Variants in CCDC175 observed in about 807,000 individuals in gnomAD.
CCDC175 encodes coiled-coil domain-containing protein 175.
CCDC175 carries 100 observed loss-of-function variants against 114.6 expected under a neutral mutation model. That is an observed-to-expected ratio of 0.87 (90% CI 0.74 to 1.03). The LOEUF (loss-of-function observed/expected upper bound fraction) is 1.03, where lower values mean the gene tolerates loss of function less well. Ranked by LOEUF, CCDC175 falls within the 50% of genes least tolerant of loss-of-function variation. The pLI is 0.00. For synonymous variants in CCDC175, 306 were observed against 308.7 expected (o/e 0.99, Z 0.09); for missense variants, 880 against 917.8 (o/e 0.96, Z 0.53).
chr14:59,532,973 T>C (rs1049328612), intron 13 of CCDC175, among the ~76,000 whole-genome samples: 1 of 152,250 alleles, frequency 6.6e-6, no homozygotes, highest in East Asian at 1.9e-4. Flanking sequence ...CCAAGTTGTA[T>C]GCACACATAA....
At position 59,536,220 on chromosome 14, in the gene CCDC175, C is replaced by A. The variant is rs980494352; in HGVS notation, c.1623+1803G>T. ...TTGTGATTCCTTAGATAGGAGGGTCCTGCCTCAGGCCCTTCCTGCCTAGCA... is the reference window on the plus strand; with the variant it reads ...TTGTGATTCCTTAGATAGGAGGGTCATGCCTCAGGCCCTTCCTGCCTAGCA... On this transcript the variant is annotated intron_variant, in intron 13 of 19. Transcript: ENST00000537690. Among the ~76,000 whole-genome samples, 3 of 152,206 alleles carry A rather than the reference C, an allele frequency of 2.0e-5. No individual in the cohort carries two copies. In the East Asian group the frequency reaches 5.8e-4, roughly 30 times the overall value.
intron 9 of CCDC175, among the ~76,000 whole-genome samples, chr14:59,544,731 TG>T: frequency 6.6e-6 from 1 of 152,256 alleles, no homozygotes; most frequent in African/African-American, 2.4e-5. Context: ...GGGGCATTAG[TG>T]TCGTGATAAT....
chr14:59,551,151 C>T, intron 8 of CCDC175: 1 of 359,354 alleles, frequency 2.8e-6, no homozygotes, highest in East Asian at 4.5e-5. Context: ...AAAACAGTTC[C>T]TCTGTACATG....
chr14:59,574,077 G>C (rs1007735659), intron 2 of CCDC175, among the ~76,000 whole-genome samples: 3 of 152,282 alleles, frequency 2.0e-5, no homozygotes, highest in Non-Finnish European at 4.4e-5. Flanking sequence ...CCACAGAGCT[G>C]CACAACACAC....
At chr14:59,535,708 AC>A (rs1894351041) in intron 13 of CCDC175, among the ~76,000 whole-genome samples, 1 of 152,148 alleles carries the variant, frequency 6.6e-6, no homozygotes, top group Admixed American at 6.5e-5. Flanking sequence ...TCCACTCAGA[AC>A]CCTCCAATGG....
intron 7 of CCDC175, among the ~76,000 whole-genome samples, chr14:59,551,664 G>A (rs1315452823): frequency 6.6e-6 from 1 of 152,186 alleles, no homozygotes; most frequent in Non-Finnish European, 1.5e-5. Flanking sequence ...CTGAAGCAGG[G>A]CGAGGCATCA....
chr14:59,562,179 G>A (rs1313323875), intron 6 of CCDC175, among the ~76,000 whole-genome samples: 1 of 152,202 alleles, frequency 6.6e-6, no homozygotes, highest in African/African-American at 2.4e-5. Flanking sequence ...CTGAAGGCCT[G>A]ATAGGCCTGA....
At chr14:59,552,567 C>T (rs916253583) in intron 7 of CCDC175, among the ~76,000 whole-genome samples, 1 of 152,156 alleles carries the variant, frequency 6.6e-6, no homozygotes, top group African/African-American at 2.4e-5. Flanking sequence ...GCACCTCCCC[C>T]CCTCCAAAAG....
chr14:59,571,518 A>G (rs773513538), intron 3 of CCDC175, among the ~76,000 whole-genome samples: 5 of 152,230 alleles, frequency 3.3e-5, no homozygotes, highest in Non-Finnish European at 7.3e-5. Context: ...AAGAAGCTCA[A>G]CATCTCTAAT....
intron 19 of CCDC175, among the ~76,000 whole-genome samples, chr14:59,507,315 T>G (rs996996996): frequency 6.6e-6 from 1 of 152,236 alleles, no homozygotes; most frequent in African/African-American, 2.4e-5. Context: ...ATAGCCACTT[T>G]CTAGAAGGAA....
At chr14:59,517,606 C>A (rs1262900374) in intron 17 of CCDC175, among the ~76,000 whole-genome samples, 2 of 152,188 alleles carry the variant, frequency 1.3e-5, no homozygotes, top group Non-Finnish European at 2.9e-5. Context: ...AGGAATCCAA[C>A]TTACAAGAGA....
chr14:59,529,683 T>C (rs567560131), intron 14 of CCDC175, among the ~76,000 whole-genome samples: 23 of 152,202 alleles, frequency 1.5e-4, no homozygotes, highest in Non-Finnish European at 2.9e-4. Context: ...AGCAAATGTC[T>C]TATCTCTTCC....
rs567613272 is a variant in CCDC175 at position 59,521,501 on chromosome 14, T to C, written c.2098+73A>G. 3 of 793,754 alleles carry C rather than the reference T, an allele frequency of 3.8e-6. 1 individual carries two copies. Among genetic ancestry groups the C allele is most frequent in the South Asian group, 3.3e-5 (2 of 60,166 alleles). 49.2% of individuals were successfully genotyped at this position (793,754 alleles called of 1,614,324 possible). On this transcript the variant is annotated intron_variant, in intron 17 of 19. Coordinates refer to ENST00000537690, the MANE Select transcript of CCDC175 (RefSeq NM_001164399.2). Reference sequence around the variant, plus strand: ...GTTCTCCTTAATAAGCTCCCTTTCATATATACATATATCCTATTAGTTCTG... The same window carrying C: ...GTTCTCCTTAATAAGCTCCCTTTCACATATACATATATCCTATTAGTTCTG...
intron 7 of CCDC175, among the ~76,000 whole-genome samples, chr14:59,552,356 A>G (rs985541801): frequency 2.6e-5 from 4 of 152,346 alleles, no homozygotes; most frequent in Admixed American, 6.5e-5. Flanking sequence ...CCAGGCAAAC[A>G]GGGTCTGGAG....
At chr14:59,558,270 G>T (rs1412037326) in intron 7 of CCDC175, among the ~76,000 whole-genome samples, 1 of 152,156 alleles carries the variant, frequency 6.6e-6, no homozygotes, top group African/African-American at 2.4e-5. Flanking sequence ...ATTCTGAAGG[G>T]AACAGGGGAA....
chr14:59,512,644 T>G (rs1892819221), intron 17 of CCDC175, among the ~76,000 whole-genome samples: 1 of 152,202 alleles, frequency 6.6e-6, no homozygotes, highest in Admixed American at 6.5e-5. Flanking sequence ...CTGGGATACC[T>G]GATACTACAC....
At position 59,545,286 on chromosome 14, in the gene CCDC175, A is replaced by G. The variant is rs1196101984; in HGVS notation, c.1049T>C (p.Leu350Pro). The change falls in exon 9 of 20, where the codon CTG (leucine) becomes CCG (proline). Residue 350 changes from leucine to proline, a missense_variant. By Grantham distance (98) the Leu-to-Pro change is moderately conservative (BLOSUM62 -3). Transcript: ENST00000537690. The stretch of plus-strand genomic sequence containing the variant: ...TTTGTATTCCATACGAGCAGCATGC[A>G]GTGTTTCAACCAGCTAGAGAAAAAC... ...LNKIKQLVET[L>P]HAARMEYKDL... 2 of 1,536,852 alleles carry G rather than the reference A, an allele frequency of 1.3e-6. No individual in the cohort carries two copies. The highest frequency in any genetic ancestry group is 1.7e-6 in the Non-Finnish European group (2 of 1,146,706).
At chr14:59,525,543 G>A in intron 15 of CCDC175, 109 bp from the exon 16 acceptor site, 3 of 709,548 alleles carry the variant, frequency 4.2e-6, no homozygotes, top group Non-Finnish European at 6.6e-6. Context: ...AATTTCTGAA[G>A]TATCCAGCAG....
intron 9 of CCDC175, 93 bp downstream of exon 9, chr14:59,545,070 G>A: frequency 3.3e-6 from 4 of 1,213,924 alleles, no homozygotes; most frequent in Non-Finnish European, 4.5e-6. Context: ...TTTAAAACTA[G>A]GATAAGTTTA....
Sources: gnomAD v4.1 joint callset for allele counts (sites outside exome capture counted in the v4.1 genomes callset) on GRCh38, gnomAD v4.1.1 for gene constraint, MANE v1.5 for transcripts, NCBI Gene and HGNC (gene_info 2026-07-23, HGNC 2026-07-21) for gene names.